Variants in ASTL observed in about 807,000 individuals in gnomAD.
ASTL encodes astacin-like metalloendopeptidase.
ASTL carries 27 observed loss-of-function variants against 36.7 expected under a neutral mutation model. The observed-to-expected ratio is 0.73, with a 90% CI of 0.54 to 1.01. The LOEUF (loss-of-function observed/expected upper bound fraction) is 1.01, where lower values mean the gene tolerates loss of function less well. Among genes scored for constraint, ASTL ranks in the 50% least tolerant of loss-of-function variants. The probability of loss-of-function intolerance (pLI) is 0.00; values close to 1 mark genes in which losing one functional copy is unlikely to be tolerated. For synonymous variants in ASTL, 222 were observed against 228.1 expected (o/e 0.97, Z 0.24); for missense variants, 524 against 572.8 (o/e 0.91, Z 0.87).
chr2:96,138,335 T>G, intron 1 of ASTL, 47 bp downstream of exon 1: 1 of 1,554,848 alleles, frequency 6.4e-7, no homozygotes, highest in African/African-American at 1.4e-5. Flanking sequence ...CTCCCCAGCT[T>G]TCTCCAGGCT....
chr2:96,133,981 C>T lies in ASTL; in HGVS notation c.321G>A (p.Leu107=). 2 of 1,613,246 alleles carry T rather than the reference C, an allele frequency of 1.2e-6. No individual in the cohort carries two copies. The highest frequency in any genetic ancestry group is 4.5e-5 in the East Asian group (2 of 44,862). ...GGSGVVEVPF[L]LSSKYDEPSR... is the part of the protein sequence containing the mutation. The stretch of plus-strand genomic sequence containing the variant: ...CTCACTCACCGTACTTGCTGGAGAG[C>T]AGGAAGGGGACCTCCACGACACCAC... The change falls in exon 4 of 9, where the codon CTG becomes CTA. Residue 107 remains leucine, a synonymous_variant. Coordinates refer to ENST00000342380, the MANE Select transcript of ASTL (RefSeq NM_001002036.4).
intron 6 of ASTL, among the ~76,000 whole-genome samples, chr2:96,131,013 T>C (rs1558715597): frequency 6.6e-6 from 1 of 152,212 alleles, no homozygotes; most frequent in Non-Finnish European, 1.5e-5. Flanking sequence ...TTTCTGTACA[T>C]GTTAACCTAA....
Position 96,123,738 on chromosome 2 carries a change from T to TG in ASTL, c.*111dup. 1 of 790,204 alleles carries TG rather than the reference T, an allele frequency of 1.3e-6. No individual in the cohort carries two copies. Among genetic ancestry groups the TG allele is most frequent in the Non-Finnish European group, 2.0e-6 (1 of 487,916 alleles). The allele number at this position is 790,204 out of a possible 1,614,324, so 48.9% of individuals were successfully genotyped here. A position where few individuals can be genotyped will look rare whatever the true frequency, so the allele number is the denominator to read the frequency against. On this transcript the variant is annotated 3_prime_UTR_variant, in exon 9 of 9. Coordinates refer to ENST00000342380, the MANE Select transcript of ASTL (RefSeq NM_001002036.4). ...AGAGTCCTGGCCCTCTGAGATGGGG[T>TG]GGTAGGTTGGGGCTGGAAGACAGTG...
rs755346666 is a variant in ASTL at position 96,124,110 on chromosome 2, A to G, written c.1036T>C (p.Trp346Arg). 3.1e-6 allele frequency: 5 copies of G among 1,603,588 alleles called. No individual in the cohort carries two copies. Among genetic ancestry groups the G allele is most frequent in the Middle Eastern group, 3.3e-4 (2 of 6,002 alleles). ...PAGPGESPHG[W>R]ESPALKKLSA... ...AGCTTTTTCAGGGCAGGGGACTCCC[A>G]CCCATGTGGGCTCTCCCCAGGCCCT... Residue 346 changes from tryptophan (W) to arginine (R), a missense_variant, in exon 9 of 9, where the codon TGG becomes CGG. Trp to Arg is a moderately radical substitution (Grantham distance 101). Coordinates refer to ENST00000342380, the MANE Select transcript of ASTL (RefSeq NM_001002036.4). The surrounding 1 kb of genome is among the most constrained non-coding windows in gnomAD (Gnocchi z 4.1).
At chr2:96,130,019 G>A in intron 7 of ASTL, 41 bp from the exon 8 acceptor site, 2 of 1,613,352 alleles carry the variant, frequency 1.2e-6, no homozygotes, top group South Asian at 1.1e-5. Flanking sequence ...GATCACCACG[G>A]GAGAGGCTGG....
In ASTL at chr2:96,133,983, G is replaced by A. The variant is rs752524466; in HGVS notation, c.319C>T (p.Leu107=). The A allele has an allele frequency of 3.7e-6, 6 of 1,613,290 alleles. No individual in the cohort carries two copies. The highest frequency in any genetic ancestry group is 5.1e-6 in the Non-Finnish European group (6 of 1,179,358). Residue 107 remains leucine (L), a synonymous_variant, in exon 4 of 9, where the codon CTG becomes TTG. Coordinates refer to ENST00000342380, the MANE Select transcript of ASTL (RefSeq NM_001002036.4). ...GGSGVVEVPF[L]LSSKYDEPSR... is the part of the protein sequence containing the mutation. ...CACTCACCGTACTTGCTGGAGAGCAGGAAGGGGACCTCCACGACACCACTA... is the reference window on the plus strand; with the variant it reads ...CACTCACCGTACTTGCTGGAGAGCAAGAAGGGGACCTCCACGACACCACTA...
Position 96,132,739 on chromosome 2 carries a change from C to G in ASTL, c.456-18G>C. 1 of 1,596,054 alleles carries G rather than the reference C, an allele frequency of 6.3e-7. No individual in the cohort carries two copies. The highest frequency in any genetic ancestry group is 1.1e-5 in the South Asian group (1 of 90,398). On this transcript the variant is annotated intron_variant, in intron 5 of 8. Coordinates refer to ENST00000342380, the MANE Select transcript of ASTL (RefSeq NM_001002036.4). This position sits in a 1 kb window ranked among gnomAD's most constrained non-coding sequence, Gnocchi z 5.4. ...AGAAGCACCTGCAGGGTGATGAGAG[C>G]AAGTGGGGTAAGTGCCAGCCCAGAT...
rs906301421 is a variant in ASTL, at chr2:96,124,843, T to G, written c.875-572A>C. ...CAGCACTGCCTCCCATCCCAGTTCCTCCTGCGCATGCAGCGAGGGCTTCAC... is the reference window on the plus strand; with the variant it reads ...CAGCACTGCCTCCCATCCCAGTTCCGCCTGCGCATGCAGCGAGGGCTTCAC... On this transcript the variant is annotated intron_variant, in intron 8 of 8. Transcript: ENST00000342380. The surrounding 1 kb of genome is among the most constrained non-coding windows in gnomAD (Gnocchi z 4.1). 6.6e-6 allele frequency among the ~76,000 whole-genome samples: 1 copy of G among 152,108 alleles called. No individual in the cohort carries two copies. Among genetic ancestry groups the G allele is most frequent in the Non-Finnish European group, 1.5e-5 (1 of 68,008 alleles).
rs569841592 is a variant in ASTL, at chr2:96,123,692, A to C, written c.*158T>G. ...TGGCCCTAGGAGCCCTTAGGGGAAC[A>C]CAGTGAAGAGAGACAGGGGAAGAGT... On this transcript the variant is annotated 3_prime_UTR_variant, in exon 9 of 9. Coordinates refer to ENST00000342380, the MANE Select transcript of ASTL (RefSeq NM_001002036.4). Among the ~76,000 whole-genome samples the C allele has an allele frequency of 1.8e-4, 27 of 152,270 alleles. No individual in the cohort carries two copies. The highest frequency in any genetic ancestry group is 5.5e-4 in the African/African-American group (23 of 41,550).
intron 6 of ASTL, among the ~76,000 whole-genome samples, chr2:96,130,909 G>A (rs1353004022): frequency 3.9e-5 from 6 of 152,168 alleles, no homozygotes; most frequent in African/African-American, 9.7e-5. Flanking sequence ...ATATTGAGAT[G>A]TAGTAAAAGT....
Position 96,124,270 on chromosome 2 carries a change from C to T in ASTL, c.876G>A (p.Gly292=). 1 of 1,505,504 alleles carries T rather than the reference C, an allele frequency of 6.6e-7. No individual in the cohort carries two copies. Among genetic ancestry groups the T allele is most frequent in the Non-Finnish European group, 8.9e-7 (1 of 1,128,462 alleles). 93.3% of individuals were successfully genotyped at this position (1,505,504 alleles called of 1,614,324 possible). Residue 292 remains glycine, a splice_region_variant and synonymous_variant, in exon 9 of 9, where the codon GGG becomes GGA. Transcript: ENST00000342380. The surrounding 1 kb of genome is among the most constrained non-coding windows in gnomAD (Gnocchi z 4.1). ...SPSGPRPRGR[G]SHAHSTGRSP... is the part of the protein sequence containing the mutation. ...TCCTACCAGTGCTGTGGGCATGGGACCCTGCAACAGAAAAGACAGGAGGTG... is the reference window on the plus strand; with the variant it reads ...TCCTACCAGTGCTGTGGGCATGGGATCCTGCAACAGAAAAGACAGGAGGTG...
Position 96,132,798 on chromosome 2 carries a change from C to A in ASTL, c.456-77G>T. On this transcript the variant is annotated intron_variant, in intron 5 of 8. Coordinates refer to ENST00000342380, the MANE Select transcript of ASTL (RefSeq NM_001002036.4). The surrounding 1 kb of genome is among the most constrained non-coding windows in gnomAD (Gnocchi z 5.4). Reference sequence around the variant, plus strand: ...ACATACAGACCTGGGCTCTCCCTCCCCACACAACACAAGATAGACAAACTC... The same window carrying A: ...ACATACAGACCTGGGCTCTCCCTCCACACACAACACAAGATAGACAAACTC... The A allele has an allele frequency of 7.4e-7, 1 of 1,357,836 alleles. No individual in the cohort carries two copies. The highest frequency in any genetic ancestry group is 1.0e-6 in the Non-Finnish European group (1 of 988,668). 84.1% of individuals were successfully genotyped at this position (1,357,836 alleles called of 1,614,324 possible).
chr2:96,123,220 C>A lies in ASTL; in HGVS notation c.*630G>T, dbSNP rs1418705278. ...CTCTGTTCAGGGGCCAGCTGAGGTT[C>A]CCATTGTGCAATCTGGTGGGGCCCC... On this transcript the variant is annotated 3_prime_UTR_variant, in exon 9 of 9. Transcript: ENST00000342380. Among the ~76,000 whole-genome samples, 5 of 152,236 alleles carry A rather than the reference C, an allele frequency of 3.3e-5. No individual in the cohort carries two copies. The highest frequency in any genetic ancestry group is 7.3e-5 in the Non-Finnish European group (5 of 68,044).
In ASTL at chr2:96,123,591, C is replaced by T. The variant is rs1682000954; in HGVS notation, c.*259G>A. On this transcript the variant is annotated 3_prime_UTR_variant, in exon 9 of 9. Coordinates refer to ENST00000342380, the MANE Select transcript of ASTL (RefSeq NM_001002036.4). The stretch of plus-strand genomic sequence containing the variant: ...GAATGTCACCTCCCATTCCCAGCAT[C>T]CACCAGGGCTGGGCAAAAGTCAAGA... Among the ~76,000 whole-genome samples the T allele has an allele frequency of 6.6e-6, 1 of 152,182 alleles. No homozygotes were observed. Among genetic ancestry groups the T allele is most frequent in the African/African-American group, 2.4e-5 (1 of 41,452 alleles).
In ASTL at chr2:96,123,740, G is replaced by A; in HGVS notation, c.*110C>T. 1.2e-6 allele frequency: 1 copy of A among 826,114 alleles called. No homozygotes were observed. Among genetic ancestry groups the A allele is most frequent in the East Asian group, 2.5e-5 (1 of 40,278 alleles). 51.2% of individuals were successfully genotyped at this position (826,114 alleles called of 1,614,324 possible). On this transcript the variant is annotated 3_prime_UTR_variant, in exon 9 of 9. Coordinates refer to ENST00000342380, the MANE Select transcript of ASTL (RefSeq NM_001002036.4). ...AGTCCTGGCCCTCTGAGATGGGGTG[G>A]TAGGTTGGGGCTGGAAGACAGTGGT...
At chr2:96,135,201 A>ACAGTC in intron 3 of ASTL, 150 bp downstream of exon 3, 2 of 607,782 alleles carry the variant, frequency 3.3e-6, no homozygotes, top group East Asian at 5.8e-5. Flanking sequence ...TCCTAACAGA[A>ACAGTC]CAGTCGCTCT....
chr2:96,133,403 G>A (rs777029474), intron 5 of ASTL, 22 bp downstream of exon 5: 18 of 1,448,340 alleles, frequency 1.2e-5, no homozygotes, highest in Non-Finnish European at 1.7e-5. Context: ...GCTGAGATAC[G>A]CATCCTGGCC....
At chr2:96,135,497 AG>A in intron 2 of ASTL, 85 bp from the exon 3 acceptor site, 1 of 1,199,948 alleles carries the variant, frequency 8.3e-7, no homozygotes. Flanking sequence ...TACTTACTTA[AG>A]TCTATTCTTG....
rs532563546 is a variant in ASTL at position 96,127,603 on chromosome 2, T to G, written c.874+2221A>C. Among the ~76,000 whole-genome samples, 31 of 152,340 alleles carry G rather than the reference T, an allele frequency of 2.0e-4. 1 individual carries two copies. In the South Asian group the frequency reaches 5.8e-3, roughly 28 times the overall value. On this transcript the variant is annotated intron_variant, in intron 8 of 8. Transcript: ENST00000342380. Reference sequence around the variant, plus strand: ...TGATTTTTTTCTTTGCGACAGAGTCTGGCTCTGTTACCCAGACTGGAGTGC... The same window carrying G: ...TGATTTTTTTCTTTGCGACAGAGTCGGGCTCTGTTACCCAGACTGGAGTGC...
Sources: allele counts gnomAD v4.1 joint callset (sites outside exome capture counted in the v4.1 genomes callset), GRCh38; gene constraint gnomAD v4.1.1; non-coding constraint Gnocchi (gnomAD v3.1); transcripts MANE v1.5; gene names NCBI Gene and HGNC (gene_info 2026-07-23, HGNC 2026-07-21).